DAPK1: variants seen among roughly 807,000 people sequenced by gnomAD.
DAPK1 encodes the protein death-associated protein kinase 1.
DAPK1 carries 56 observed loss-of-function variants against 144.9 expected under a neutral mutation model. The ratio of observed to expected loss-of-function variants is 0.39; its 90% CI spans 0.31 to 0.48. The LOEUF (loss-of-function observed/expected upper bound fraction) is 0.48, where lower values mean the gene tolerates loss of function less well. Ranked by LOEUF, DAPK1 falls within the 20% of genes least tolerant of loss-of-function variation. The pLI is 0.95. For synonymous variants in DAPK1, 690 were observed against 749.0 expected (o/e 0.92, Z 1.29); for missense variants, 1,454 against 1,875.4 (o/e 0.78, Z 4.15).
chr9:87,629,033 C>A (rs1240602017), intron 3 of DAPK1, among the ~76,000 whole-genome samples: 2 of 152,128 alleles, frequency 1.3e-5, no homozygotes, highest in Non-Finnish European at 2.9e-5. Flanking sequence ...GATACTCCCC[C>A]ACAAAAAAAT....
In DAPK1 at chr9:87,651,603, G is replaced by A. The variant is rs1456573001; in HGVS notation, c.1703G>A (p.Cys568Tyr). 19 of 1,614,138 alleles carry A rather than the reference G, an allele frequency of 1.2e-5. No individual in the cohort carries two copies. Among genetic ancestry groups the A allele is most frequent in the Non-Finnish European group, 1.5e-5 (18 of 1,180,004 alleles). The change falls in exon 17 of 26, where the codon TGT becomes TAT. Residue 568 changes from cysteine (C) to tyrosine (Y), a missense_variant. Cys to Tyr is a radical substitution (Grantham distance 194, BLOSUM62 -2). Around this residue, in one of 2 missense-constraint regions of DAPK1, gnomAD observed 1,025 missense variants for 1,237.9 expected, o/e 0.83. Transcript: ENST00000408954. ...EVIKTLLSQG[C>Y]FVDYQDRHGN... ...ATCAAGACTCTCCTCAGCCAAGGGT[G>A]TTTCGTCGATTATCAAGACAGGCAC...
chr9:87,641,327 T>C (rs1243390971), intron 9 of DAPK1, among the ~76,000 whole-genome samples: 1 of 152,146 alleles, frequency 6.6e-6, no homozygotes, highest in Non-Finnish European at 1.5e-5. Flanking sequence ...CCTGGCCTGG[T>C]TGACATTTGG....
At position 87,534,698 on chromosome 9, in the gene DAPK1, G is replaced by A. The variant is rs36231146; in HGVS notation, c.62+35559G>A. Among the ~76,000 whole-genome samples the A allele has an allele frequency of 9.1e-3, 1,379 of 151,302 alleles. 18 individuals are homozygous for A. Among genetic ancestry groups the A allele is most frequent in the African/African-American group, 0.032 (1,318 of 41,172 alleles). Reference sequence around the variant, plus strand: ...CTCGCTCTGTCACCCAGACTGGAGTGTAGTGGCGCGATCTGGGCTCACTGC... The same window carrying A: ...CTCGCTCTGTCACCCAGACTGGAGTATAGTGGCGCGATCTGGGCTCACTGC... On this transcript the variant is annotated intron_variant, in intron 2 of 25. Transcript: ENST00000408954.
chr9:87,550,170 C>G (rs1360324577), intron 2 of DAPK1, among the ~76,000 whole-genome samples: 1 of 152,142 alleles, frequency 6.6e-6, no homozygotes, highest in Non-Finnish European at 1.5e-5. Context: ...TCTCTCTTGC[C>G]CCTTCTCAAT....
intron 2 of DAPK1, among the ~76,000 whole-genome samples, chr9:87,570,444 T>A (rs1484451639): frequency 6.6e-6 from 1 of 152,248 alleles, no homozygotes; most frequent in Non-Finnish European, 1.5e-5. Flanking sequence ...TCTTTTTATA[T>A]CATCAAATAC....
intron 3 of DAPK1, among the ~76,000 whole-genome samples, chr9:87,617,175 T>C (rs1829126770): frequency 6.6e-6 from 1 of 152,222 alleles, no homozygotes; most frequent in Non-Finnish European, 1.5e-5. Context: ...CATGCCCTCT[T>C]TTCTCAAAGA....
intron 2 of DAPK1, among the ~76,000 whole-genome samples, chr9:87,501,215 A>C (rs1047507406): frequency 6.6e-6 from 1 of 152,228 alleles, no homozygotes; most frequent in Non-Finnish European, 1.5e-5. Flanking sequence ...GTAGACCAGT[A>C]TCTAAGATTT....
intron 2 of DAPK1, among the ~76,000 whole-genome samples, chr9:87,564,701 ATCT>A (rs1228078108): frequency 3.3e-5 from 5 of 152,222 alleles, no homozygotes; most frequent in Middle Eastern, 3.4e-3. Flanking sequence ...AGGTAAACTC[ATCT>A]TCTTAATCTG....
At chr9:87,705,569 G>A (rs955367256) in intron 25 of DAPK1, among the ~76,000 whole-genome samples, 3 of 152,040 alleles carry the variant, frequency 2.0e-5, no homozygotes, top group Admixed American at 6.6e-5. Context: ...ACATTTGCTC[G>A]ATTCCTTTCC....
intron 2 of DAPK1, among the ~76,000 whole-genome samples, chr9:87,576,479 C>G (rs1331653443): frequency 1.3e-5 from 2 of 152,124 alleles, no homozygotes; most frequent in Non-Finnish European, 2.9e-5. Context: ...GACTGGTGAG[C>G]CTTAGTTGCA....
chr9:87,639,585 T>C, intron 5 of DAPK1, 65 bp from the exon 6 acceptor site: 1 of 1,611,056 alleles, frequency 6.2e-7, no homozygotes, highest in Non-Finnish European at 8.5e-7. Flanking sequence ...TCCTGGTTGT[T>C]GCATGAAGAT....
At chr9:87,635,466 C>A (rs932669690) in intron 3 of DAPK1, among the ~76,000 whole-genome samples, 2 of 152,194 alleles carry the variant, frequency 1.3e-5, no homozygotes, top group Non-Finnish European at 2.9e-5. Flanking sequence ...ACCACATTCA[C>A]AGCAGAAGTT....
At chr9:87,585,193 A>G in intron 2 of DAPK1, among the ~76,000 whole-genome samples, 1 of 152,182 alleles carries the variant, frequency 6.6e-6, no homozygotes, top group East Asian at 1.9e-4. Context: ...CGTTTGATGT[A>G]ATTCCATTTG....
At chr9:87,633,388 T>C (rs1034340721) in intron 3 of DAPK1, 2 of 985,058 alleles carry the variant, frequency 2.0e-6, no homozygotes, top group Admixed American at 1.2e-4. Context: ...CATAGGGCCT[T>C]CTGGGCATCA....
At chr9:87,557,295 T>C (rs1298875085) in intron 2 of DAPK1, among the ~76,000 whole-genome samples, 1 of 152,188 alleles carries the variant, frequency 6.6e-6, no homozygotes, top group Non-Finnish European at 1.5e-5. Flanking sequence ...CATCTTCATT[T>C]CCCACCATGG....
At position 87,697,203 on chromosome 9, in the gene DAPK1, A is replaced by G. The variant is rs753178301; in HGVS notation, c.2610A>G (p.Ile870Met). 1.4e-6 allele frequency: 2 copies of G among 1,438,622 alleles called. No homozygotes were observed. The highest frequency in any genetic ancestry group is 2.3e-5 in the East Asian group (1 of 44,082). 89.1% of individuals were successfully genotyped at this position (1,438,622 alleles called of 1,614,324 possible). The part of the protein sequence containing the change: ...LKSLVPVEEP[I>M]AFGGKLKNPL... ...CCCTTGTCCCAGTTGAAGAACCCATAGGTGAGCTAAGTCCCTGCAGGCCAG... is the reference window on the plus strand; with the variant it reads ...CCCTTGTCCCAGTTGAAGAACCCATGGGTGAGCTAAGTCCCTGCAGGCCAG... The change falls in exon 22 of 26, where the codon ATA becomes ATG. Residue 870 changes from isoleucine (I) to methionine (M), a missense_variant and splice_region_variant. Coordinates refer to ENST00000408954, the MANE Select transcript of DAPK1 (RefSeq NM_004938.4).
rs369340097 is a variant in DAPK1 at position 87,652,175 on chromosome 9, C to A, written c.1824+451C>A. On this transcript the variant is annotated intron_variant, in intron 17 of 25. Coordinates refer to ENST00000408954, the MANE Select transcript of DAPK1 (RefSeq NM_004938.4). Reference sequence around the variant, plus strand: ...CTGATTCTGTGTCCTCCCACCTGATCCCAGGTCCTGATTCTGTGTCCATCC... The same window carrying A: ...CTGATTCTGTGTCCTCCCACCTGATACCAGGTCCTGATTCTGTGTCCATCC... Among the ~76,000 whole-genome samples the A allele has an allele frequency of 4.0e-4, 55 of 136,372 alleles. No homozygotes were observed. In the East Asian group the frequency reaches 0.012, roughly 29 times the overall value. 89.5% of individuals were successfully genotyped at this position (136,372 alleles called of 152,430 possible).
At chr9:87,540,549 A>G (rs7046117) in intron 2 of DAPK1, among the ~76,000 whole-genome samples, 2 of 152,122 alleles carry the variant, frequency 1.3e-5, no homozygotes, top group African/African-American at 4.8e-5. Flanking sequence ...AGGTCTGTAT[A>G]TATAGGAAGA....
chr9:87,499,411 T>C (rs948225554), intron 2 of DAPK1: 2 of 462,106 alleles, frequency 4.3e-6, no homozygotes, highest in Non-Finnish European at 7.8e-6. Context: ...TTGTCCGTGC[T>C]AACTCTTGTC....
Sources: gnomAD v4.1 joint callset for allele counts (sites outside exome capture counted in the v4.1 genomes callset) on GRCh38, gnomAD v4.1.1 for gene constraint, gnomAD v4.1.1 regional missense constraint, MANE v1.5 for transcripts, NCBI Gene and HGNC (gene_info 2026-07-23, HGNC 2026-07-21) for gene names.